LIPE: variants seen among roughly 807,000 people sequenced by gnomAD.
The protein encoded by LIPE is lipase E, hormone sensitive type, also known as hormone-sensitive lipase.
In LIPE, 66 loss-of-function variants were observed where a neutral mutation model predicts 88.5. That is an observed-to-expected ratio of 0.75 (90% CI 0.61 to 0.91). The LOEUF (loss-of-function observed/expected upper bound fraction) is 0.91. LIPE is among the 40% of genes least tolerant of loss of function. LIPE has a pLI of 0.00. For synonymous variants in LIPE, 570 were observed against 617.5 expected (o/e 0.92, Z 1.14); for missense variants, 1,346 against 1,434.7 (o/e 0.94, Z 1.00).
intron 1 of LIPE, among the ~76,000 whole-genome samples, chr19:42,411,795 C>T (rs1374483999): frequency 1.3e-5 from 2 of 152,330 alleles, no homozygotes; most frequent in East Asian, 3.9e-4. Flanking sequence ...AACAGCGATA[C>T]TCATCACTGG....
Position 42,406,876 on chromosome 19 carries a change from G to A in LIPE, c.2137+298C>T, listed in dbSNP as rs2040201141. Among the ~76,000 whole-genome samples the A allele has an allele frequency of 6.6e-6, 1 of 152,160 alleles. No homozygotes were observed. The highest frequency in any genetic ancestry group is 6.5e-5 in the Admixed American group (1 of 15,280). ...TCAGAGAAGCTGGACTGTGGGCCAG[G>A]AGGCTGGTAGGACAGGAGAGCAGGG... On this transcript the variant is annotated intron_variant, in intron 6 of 9. Coordinates refer to ENST00000244289, the MANE Select transcript of LIPE (RefSeq NM_005357.4). This position sits in a 1 kb window ranked among gnomAD's most constrained non-coding sequence, Gnocchi z 5.7.
intron 1 of LIPE, among the ~76,000 whole-genome samples, chr19:42,416,445 A>T (rs1441132904): frequency 6.6e-6 from 1 of 152,238 alleles, no homozygotes; most frequent in Non-Finnish European, 1.5e-5. Flanking sequence ...CGGCTACATT[A>T]AGCAACATAT....
chr19:42,407,670 A>C lies in LIPE; in HGVS notation c.1778T>G (p.Leu593Arg), dbSNP rs1405634809. 2.5e-6 allele frequency: 4 copies of C among 1,608,094 alleles called. No homozygotes were observed. The highest frequency in any genetic ancestry group is 2.7e-5 in the African/African-American group (2 of 74,650). The change falls in exon 5 of 10, where the codon CTG (leucine) becomes CGG (arginine). Residue 593 changes from leucine (L) to arginine (R), a missense_variant. By Grantham distance (102) the Leu-to-Arg change is moderately radical (BLOSUM62 -2). Coordinates refer to ENST00000244289, the MANE Select transcript of LIPE (RefSeq NM_005357.4). This position sits in a 1 kb window ranked among gnomAD's most constrained non-coding sequence, Gnocchi z 5.8. ...PTLTVTISPP[L>R]AHTGPGPVLV... ...GACGGGCCCAGGGCCTGTGTGGGCC[A>C]GTGGGGGTGAGATGGTGACCGTGAG...
chr19:42,403,159 C>T, intron 8 of LIPE, 128 bp from the exon 9 acceptor site: 1 of 935,350 alleles, frequency 1.1e-6, no homozygotes, highest in Non-Finnish European at 1.5e-6. Context: ...CAGACTCTTG[C>T]CTAGGGGATG....
chr19:42,407,418 C>T lies in LIPE; in HGVS notation c.1893G>A (p.Leu631=), dbSNP rs778774561. Residue 631 remains leucine, a synonymous_variant, in exon 6 of 10, where the codon CTG becomes CTA. Coordinates refer to ENST00000244289, the MANE Select transcript of LIPE (RefSeq NM_005357.4). This position sits in a 1 kb window ranked among gnomAD's most constrained non-coding sequence, Gnocchi z 5.8. ...SLIKSNGQRS[L]ELWPRPQQAP... is the part of the protein sequence containing the mutation. ...CCTGCTGGGGGCGCGGCCACAGCTC[C>T]AGGCTCCGTTGGCCGTTGGACTTTA... is the stretch of plus-strand genomic sequence containing the variant. 1.2e-6 allele frequency: 2 copies of T among 1,613,630 alleles called. No homozygotes were observed. The highest frequency in any genetic ancestry group is 2.2e-5 in the South Asian group (2 of 91,054).
chr19:42,412,292 G>T (rs2040397961), intron 1 of LIPE: 2 of 985,604 alleles, frequency 2.0e-6, no homozygotes, highest in Non-Finnish European at 2.4e-6. Flanking sequence ...CTAGAAGAAG[G>T]TATTTCCTTT....
rs750886856 is a variant in LIPE, at chr19:42,405,517, C to T, written c.2410G>A (p.Gly804Ser). 1.7e-5 allele frequency: 28 copies of T among 1,614,078 alleles called. No homozygotes were observed. The Admixed American group carries it at 2.2e-4, about 12-fold the overall frequency. The change falls in exon 8 of 10, where the codon GGC becomes AGC. Residue 804 changes from glycine to serine, a missense_variant. Physicochemically the swap from Gly to Ser is moderately conservative, Grantham distance 56. Coordinates refer to ENST00000244289, the MANE Select transcript of LIPE (RefSeq NM_005357.4). ...TCCCGCCGCACCAGCCCCATCATGCCGAGGGCTTTCTGGTCTGAGTTGGAG... is the reference window on the plus strand; with the variant it reads ...TCCCGCCGCACCAGCCCCATCATGCTGAGGGCTTTCTGGTCTGAGTTGGAG... Reference protein sequence around the residue: ...DHSNSDQKALGMMGLVRRDTA... With the variant: ...DHSNSDQKALSMMGLVRRDTA...
chr19:42,413,427 A>G (rs1048867880), intron 1 of LIPE, among the ~76,000 whole-genome samples: 2 of 152,182 alleles, frequency 1.3e-5, no homozygotes, highest in African/African-American at 2.4e-5. Context: ...GCATTTTGGG[A>G]GGCCGAGGCG....
Position 42,408,656 on chromosome 19 carries a change from C to T in LIPE, c.1420-334G>A, listed in dbSNP as rs1429260433. Among the ~76,000 whole-genome samples the T allele has an allele frequency of 6.7e-6, 1 of 149,978 alleles. No homozygotes were observed. Among genetic ancestry groups the T allele is most frequent in the African/African-American group, 2.5e-5 (1 of 40,764 alleles). ...TCTCGGAGGAGAGATCTGACTGAAG[C>T]GAGGGGAGGGTGTTCCCTGCACAGG... On this transcript the variant is annotated intron_variant, in intron 2 of 9. Transcript: ENST00000244289. The surrounding 1 kb of genome is among the most constrained non-coding windows in gnomAD (Gnocchi z 4.3).
chr19:42,426,273 C>G lies in LIPE; in HGVS notation c.877G>C (p.Asp293His). ...TSARNHRHYQ[D>H]TASRLIHNMD... is the part of the protein sequence containing the mutation. ...CCTCCAGATTCACACTCACCTGTAT[C>G]CTGGTAGTGTCTGTGATTCCGAGCA... The change falls in exon 1 of 10, where the codon GAT becomes CAT. Residue 293 changes from aspartate (D) to histidine (H), a missense_variant. Coordinates refer to ENST00000244289, the MANE Select transcript of LIPE (RefSeq NM_005357.4). 6.2e-7 allele frequency: 1 copy of G among 1,600,124 alleles called. No homozygotes were observed. The highest frequency in any genetic ancestry group is 8.6e-7 in the Non-Finnish European group (1 of 1,168,380).
chr19:42,422,214 C>G (rs1246627256), intron 1 of LIPE, among the ~76,000 whole-genome samples: 1 of 152,208 alleles, frequency 6.6e-6, no homozygotes, highest in Non-Finnish European at 1.5e-5. Context: ...GTGCCAAACG[C>G]TCTACATTCA....
intron 1 of LIPE, among the ~76,000 whole-genome samples, chr19:42,420,269 T>C (rs544053462): frequency 6.6e-6 from 1 of 152,246 alleles, no homozygotes; most frequent in African/African-American, 2.4e-5. Context: ...TCAAAGTATA[T>C]GCTTTCTGGT....
At chr19:42,419,890 T>C (rs569394664) in intron 1 of LIPE, among the ~76,000 whole-genome samples, 2 of 152,070 alleles carry the variant, frequency 1.3e-5, no homozygotes, top group African/African-American at 2.4e-5. Flanking sequence ...TCTCTGTGCG[T>C]GTGTGTGTTT....
At position 42,406,368 on chromosome 19, in the gene LIPE, A is replaced by T; in HGVS notation, c.2158T>A (p.Cys720Ser). The stretch of plus-strand genomic sequence containing the variant: ...CCGCCTGCACTGTCCCCCGCAAGGC[A>T]GATTCGTTCCCCTGTTGAGCCTGGT... ...ALLGSTGERI[C>S]LAGDSAGGNL... The change falls in exon 7 of 10, where the codon TGC becomes AGC. Residue 720 changes from cysteine (C) to serine (S), a missense_variant. Physicochemically the swap from Cys to Ser is moderately radical, Grantham distance 112 (BLOSUM62 -1). Coordinates refer to ENST00000244289, the MANE Select transcript of LIPE (RefSeq NM_005357.4). This position sits in a 1 kb window ranked among gnomAD's most constrained non-coding sequence, Gnocchi z 5.7. The T allele has an allele frequency of 1.2e-6, 2 of 1,613,268 alleles. No homozygotes were observed. The highest frequency in any genetic ancestry group is 1.7e-6 in the Non-Finnish European group (2 of 1,179,254).
At chr19:42,403,977 C>A (rs35260629) in intron 8 of LIPE, among the ~76,000 whole-genome samples, 1 of 152,076 alleles carries the variant, frequency 6.6e-6, no homozygotes, top group East Asian at 1.9e-4. Context: ...GCCCACCTGG[C>A]GTGCCCAGCT....
Position 42,401,904 on chromosome 19 carries a change from T to C in LIPE, c.3139A>G (p.Ile1047Val). Residue 1047 changes from isoleucine (I) to valine (V), a missense_variant, in exon 10 of 10, where the codon ATC (isoleucine) becomes GTC (valine). Physicochemically the swap from Ile to Val is conservative, Grantham distance 29. Coordinates refer to ENST00000244289, the MANE Select transcript of LIPE (RefSeq NM_005357.4). ...GCGGGAGGAGTGAGGACGAGGCGGA[T>C]GCGCTCCACGCACAGCTCTGCGGCC... is the stretch of plus-strand genomic sequence containing the variant. ...RQAAELCVER[I>V]RLVLTPPAGA... is the part of the protein sequence containing the mutation. 2 of 1,547,982 alleles carry C rather than the reference T, an allele frequency of 1.3e-6. No homozygotes were observed. The highest frequency in any genetic ancestry group is 1.2e-5 in the South Asian group (1 of 84,084).
At chr19:42,412,544 C>T in intron 1 of LIPE, 2 of 986,328 alleles carry the variant, frequency 2.0e-6, no homozygotes, top group East Asian at 1.1e-4. Context: ...GAGTAGAGGG[C>T]TCAGCTCCCT....
intron 1 of LIPE, among the ~76,000 whole-genome samples, chr19:42,418,265 G>T (rs2040529486): frequency 6.6e-6 from 1 of 152,192 alleles, no homozygotes; most frequent in Non-Finnish European, 1.5e-5. Context: ...TTATAGGTGT[G>T]AGCCACCGTG....
At chr19:42,423,585 T>C in intron 1 of LIPE, 1 of 1,214,176 alleles carries the variant, frequency 8.2e-7, no homozygotes, top group South Asian at 1.5e-5. Flanking sequence ...CGCGAGGCCC[T>C]GCCCGGAGGG....
Sources: gnomAD v4.1 joint callset for allele counts (sites outside exome capture counted in the v4.1 genomes callset) on GRCh38, gnomAD v4.1.1 for gene constraint, Gnocchi (gnomAD v3.1) non-coding constraint, MANE v1.5 for transcripts, NCBI Gene and HGNC (gene_info 2026-07-23, HGNC 2026-07-21) for gene names.